The following RCOR1 variants were observed in gnomAD, a reference collection of about 807,000 sequenced individuals.
RCOR1 encodes REST corepressor 1.
In RCOR1, 12 loss-of-function variants were observed where a neutral mutation model predicts 64.0. That is an observed-to-expected ratio of 0.19 (90% confidence interval 0.12 to 0.30). The LOEUF (loss-of-function observed/expected upper bound fraction) is 0.30. Ranked by LOEUF, RCOR1 falls within the 10% of genes least tolerant of loss-of-function variation. The probability of loss-of-function intolerance (pLI) is 1.00; values close to 1 mark genes in which losing one functional copy is unlikely to be tolerated. For missense variants in RCOR1, 502 were observed against 621.2 expected (o/e 0.81, Z 2.04); for synonymous variants, 279 against 227.2 (o/e 1.23, Z -2.05).
rs1896315321 is a variant in RCOR1, at chr14:102,728,575, C to T, written c.*2069C>T. The T allele has an allele frequency of 1.3e-5, 2 of 152,168 alleles. No individual in the cohort carries two copies. Among genetic ancestry groups the T allele is most frequent in the Admixed American group, 1.3e-4 (2 of 15,276 alleles). The allele number at this position is 152,168 out of a possible 1,614,324, so 9.4% of individuals were successfully genotyped here. ...TGCGTTTCTCACCCTGCCAATAGGT[C>T]TGTCTGTATCTCTGTTAAGGAAAAT... On this transcript the variant is annotated 3_prime_UTR_variant, in exon 12 of 12. Transcript: ENST00000262241.
At chr14:102,720,509 G>A (rs934094512) in intron 8 of RCOR1, among the ~76,000 whole-genome samples, 1 of 152,202 alleles carries the variant, frequency 6.6e-6, no homozygotes, top group African/African-American at 2.4e-5. Flanking sequence ...CATCATTAAA[G>A]AAATCTATGC....
intron 4 of RCOR1, 65 bp from the exon 5 acceptor site, chr14:102,707,286 T>A: frequency 7.4e-7 from 1 of 1,342,366 alleles, no homozygotes; most frequent in East Asian, 2.4e-5. Flanking sequence ...TTTCTTTTGC[T>A]GGTCTCATTT....
intron 2 of RCOR1, among the ~76,000 whole-genome samples, chr14:102,642,834 C>G (rs1176150976): frequency 6.6e-6 from 1 of 151,872 alleles, no homozygotes; most frequent in Non-Finnish European, 1.5e-5. Context: ...GAGACCCTGT[C>G]TATTAAAAAA....
intron 2 of RCOR1, among the ~76,000 whole-genome samples, chr14:102,669,399 G>C (rs1270916684): frequency 6.6e-6 from 1 of 151,982 alleles, no homozygotes; most frequent in Non-Finnish European, 1.5e-5. Flanking sequence ...GTGAACTGTT[G>C]TCAGTTGAGA....
intron 2 of RCOR1, among the ~76,000 whole-genome samples, chr14:102,607,710 C>G (rs1475663887): frequency 5.9e-5 from 9 of 152,152 alleles, no homozygotes. Flanking sequence ...GGTAAAACCC[C>G]ATATCTACTA....
At chr14:102,720,151 G>T (rs899889396) in intron 8 of RCOR1, among the ~76,000 whole-genome samples, 2 of 152,218 alleles carry the variant, frequency 1.3e-5, no homozygotes, top group East Asian at 3.9e-4. Flanking sequence ...CTCCTCTTCC[G>T]TTGGCTTTCT....
intron 2 of RCOR1, chr14:102,657,546 A>G: frequency 1.0e-6 from 1 of 983,730 alleles, no homozygotes. Flanking sequence ...TCAAGATCTG[A>G]TGATTGACTG....
chr14:102,720,065 T>G (rs1896146140), intron 8 of RCOR1, among the ~76,000 whole-genome samples: 1 of 152,204 alleles, frequency 6.6e-6, no homozygotes, highest in Non-Finnish European at 1.5e-5. Flanking sequence ...TAATTACAAG[T>G]GAAAAAAATT....
rs1246100279 is a variant in RCOR1 at position 102,662,127 on chromosome 14, T to C, written c.362-19768T>C. 1.4e-5 allele frequency: 5 copies of C among 359,702 alleles called. No individual in the cohort carries two copies. The East Asian group carries it at 3.6e-4, about 26-fold the overall frequency. The allele number at this position is 359,702 out of a possible 1,614,324, so 22.3% of individuals were successfully genotyped here. A position where few individuals can be genotyped will look rare whatever the true frequency, so the allele number is the denominator to read the frequency against. On this transcript the variant is annotated intron_variant, in intron 2 of 11. Transcript: ENST00000262241. ...TTTGTTGTCATTTGCATGTTGTACT[T>C]CATGTATGGTTTTCCCAAGTCATTA...
chr14:102,656,802 G>A (rs1349110036), intron 2 of RCOR1, among the ~76,000 whole-genome samples: 6 of 148,536 alleles, frequency 4.0e-5, no homozygotes, highest in South Asian at 4.3e-4. Context: ...TTGAGATCAG[G>A]TCTCACTCTG....
intron 2 of RCOR1, chr14:102,655,515 G>A (rs1595214948): frequency 1.0e-6 from 1 of 973,270 alleles, no homozygotes; most frequent in Non-Finnish European, 1.2e-6. Context: ...CACTGCTTTA[G>A]GTATCTATTA....
intron 2 of RCOR1, among the ~76,000 whole-genome samples, chr14:102,639,992 T>C (rs531674142): frequency 6.6e-6 from 1 of 152,280 alleles, no homozygotes; most frequent in Non-Finnish European, 1.5e-5. Context: ...ATTACAGGCA[T>C]CTGCCACCAC....
rs1320625753 is a variant in RCOR1, at chr14:102,592,668, C to T, written c.-219C>T. 4 of 1,224,956 alleles carry T rather than the reference C, an allele frequency of 3.3e-6. No homozygotes were observed. The highest frequency in any genetic ancestry group is 3.0e-6 in the Non-Finnish European group (3 of 984,138). The allele number at this position is 1,224,956 out of a possible 1,614,324, so 75.9% of individuals were successfully genotyped here. A position where few individuals can be genotyped will look rare whatever the true frequency, so the allele number is the denominator to read the frequency against. On this transcript the variant is annotated 5_prime_UTR_variant, in exon 1 of 12. Coordinates refer to ENST00000262241, the MANE Select transcript of RCOR1 (RefSeq NM_015156.4). The stretch of plus-strand genomic sequence containing the variant: ...GTAGTTGGTGCCAGTGAAGTGAGGG[C>T]GGCGATGAGAGCGAAAGTTGCGCTC...
rs1668327655 is a variant in RCOR1, at chr14:102,593,028, G to A, written c.142G>A (p.Gly48Ser). 8.7e-6 allele frequency: 11 copies of A among 1,263,256 alleles called. No individual in the cohort carries two copies. Among genetic ancestry groups the A allele is most frequent in the Non-Finnish European group, 1.0e-5 (10 of 997,280 alleles). The allele number at this position is 1,263,256 out of a possible 1,614,324, so 78.3% of individuals were successfully genotyped here. A position where few individuals can be genotyped will look rare whatever the true frequency, so the allele number is the denominator to read the frequency against. The change falls in exon 1 of 12, where the codon GGC becomes AGC. Residue 48 changes from glycine to serine, a missense_variant. Gly to Ser is a moderately conservative substitution (Grantham distance 56). Around this residue, in one of 2 missense-constraint regions of RCOR1, gnomAD observed 242 missense variants for 204.9 expected, o/e 1.18. Transcript: ENST00000262241. The stretch of plus-strand genomic sequence containing the variant: ...CTCGCCAGCCGCCACTGCCGCCTCG[G>A]GCGCCGCCGCCTCCTCAGCCTCGGC... ...CASPAATAAS[G>S]AAASSASAAA...
chr14:102,592,965 G>GCCT lies in RCOR1; in HGVS notation c.81_82insTCC (p.Ala27_Ala28insSer), dbSNP rs1567399940. The GCCT allele has an allele frequency of 4.4e-6, 5 of 1,144,680 alleles. No individual in the cohort carries two copies. Among genetic ancestry groups the GCCT allele is most frequent in the South Asian group, 6.1e-5 (2 of 32,576 alleles). 70.9% of individuals were successfully genotyped at this position (1,144,680 alleles called of 1,614,324 possible). On this transcript the variant is annotated inframe_insertion, in exon 1 of 12. Transcript: ENST00000262241. ...GAACAACGCGGCCGCCTCCGCCTCC[G>GCCT]CCGCCGCCGCCTCCGCCGCCGCCTC...
chr14:102,682,798 C>T (rs1895332899), intron 3 of RCOR1, among the ~76,000 whole-genome samples: 1 of 152,188 alleles, frequency 6.6e-6, no homozygotes, highest in South Asian at 2.1e-4. Flanking sequence ...ATTCAGTGTT[C>T]ACAGTAACCC....
intron 3 of RCOR1, among the ~76,000 whole-genome samples, chr14:102,700,612 T>TC (rs1439028119): frequency 6.6e-6 from 1 of 152,194 alleles, no homozygotes; most frequent in Non-Finnish European, 1.5e-5. Flanking sequence ...CAAGGGATCC[T>TC]CCCGCCTCAG....
At chr14:102,712,957 T>G (rs1895991589) in intron 7 of RCOR1, among the ~76,000 whole-genome samples, 1 of 140,452 alleles carries the variant, frequency 7.1e-6, no homozygotes, top group Non-Finnish European at 1.5e-5. Context: ...GTTTTTTTTT[T>G]TTTTTTTTTT....
At chr14:102,721,962 G>A (rs1169163469) in intron 10 of RCOR1, among the ~76,000 whole-genome samples, 1 of 152,174 alleles carries the variant, frequency 6.6e-6, no homozygotes, top group Middle Eastern at 3.2e-3. Context: ...CAGCTGTTAT[G>A]TGACATGTAA....
Sources: gnomAD v4.1 joint callset for allele counts (sites outside exome capture counted in the v4.1 genomes callset) on GRCh38, gnomAD v4.1.1 for gene constraint, gnomAD v4.1.1 regional missense constraint, MANE v1.5 for transcripts, NCBI Gene and HGNC (gene_info 2026-07-23, HGNC 2026-07-21) for gene names.